The following EBF2 variants were observed in gnomAD, a reference collection of about 807,000 sequenced individuals.
EBF2 encodes the protein transcription factor COE2.
A neutral mutation model predicts 72.8 loss-of-function variants in EBF2; 21 were observed. That is an observed-to-expected ratio of 0.29 (90% CI 0.20 to 0.42). The LOEUF (loss-of-function observed/expected upper bound fraction) is 0.42, where lower values mean the gene tolerates loss of function less well. Among genes scored for constraint, EBF2 ranks in the 10% least tolerant of loss-of-function variants. The pLI is 1.00. For missense variants in EBF2, 637 were observed against 731.2 expected, an observed-to-expected ratio of 0.87 and a Z score of 1.49; for synonymous variants, 299 against 274.2, an observed-to-expected ratio of 1.09 and a Z score of -0.89.
At chr8:25,863,982 T>G (rs1802257635) in intron 10 of EBF2, among the ~76,000 whole-genome samples, 1 of 152,202 alleles carries the variant, frequency 6.6e-6, no homozygotes. Context: ...TTTAAATTCC[T>G]GCATATTTTT....
intron 6 of EBF2, among the ~76,000 whole-genome samples, chr8:25,941,000 C>T (rs781463441): frequency 6.6e-6 from 1 of 152,282 alleles, no homozygotes; most frequent in Non-Finnish European, 1.5e-5. Flanking sequence ...AAATATTTCA[C>T]TCTGGCAAGA....
chr8:26,005,530 A>T (rs1283202363), intron 6 of EBF2, among the ~76,000 whole-genome samples: 1 of 79,738 alleles, frequency 1.3e-5, no homozygotes, highest in Non-Finnish European at 2.4e-5. Context: ...TATATTATAT[A>T]TTATATATAT....
At chr8:26,019,280 C>A (rs972092559) in intron 6 of EBF2, among the ~76,000 whole-genome samples, 2 of 149,556 alleles carry the variant, frequency 1.3e-5, no homozygotes, top group Non-Finnish European at 3.0e-5. Context: ...CTGGTTCCCA[C>A]TGGGCCTGTA....
chr8:25,977,252 C>T (rs989897295), intron 6 of EBF2, among the ~76,000 whole-genome samples: 5 of 152,160 alleles, frequency 3.3e-5, no homozygotes, highest in Non-Finnish European at 7.3e-5. Flanking sequence ...AATACGTGCA[C>T]ATCGCATGCT....
At chr8:25,938,463 G>A (rs1020620470) in intron 6 of EBF2, among the ~76,000 whole-genome samples, 4 of 150,526 alleles carry the variant, frequency 2.7e-5, no homozygotes, top group Admixed American at 2.7e-4. Flanking sequence ...TTCATTTACA[G>A]CCAATATAGA....
intron 6 of EBF2, among the ~76,000 whole-genome samples, chr8:25,989,956 G>T (rs555250867): frequency 4.2e-4 from 64 of 152,210 alleles, no homozygotes; most frequent in African/African-American, 1.5e-3. Flanking sequence ...GCTGCATTAG[G>T]ATTGGCTTGG....
At chr8:26,038,095 C>T (rs950839714) in intron 5 of EBF2, among the ~76,000 whole-genome samples, 6 of 152,186 alleles carry the variant, frequency 3.9e-5, no homozygotes, top group Non-Finnish European at 8.8e-5. Context: ...GAGTATCAAC[C>T]AGCTCTAACT....
chr8:26,001,581 G>A (rs1804726413), intron 6 of EBF2, among the ~76,000 whole-genome samples: 2 of 151,422 alleles, frequency 1.3e-5, no homozygotes, highest in Admixed American at 1.3e-4. Flanking sequence ...ATGGAGTTCT[G>A]CTCTTGTCCC....
intron 13 of EBF2, among the ~76,000 whole-genome samples, 181 bp from the exon 14 acceptor site, chr8:25,858,685 A>G: frequency 8.7e-6 from 1 of 114,818 alleles, no homozygotes; most frequent in Non-Finnish European, 1.7e-5. Context: ...TTTGAGATAG[A>G]GTCTTACTCT....
chr8:25,981,875 A>G (rs534026423), intron 6 of EBF2, among the ~76,000 whole-genome samples: 4 of 152,170 alleles, frequency 2.6e-5, no homozygotes, highest in Non-Finnish European at 5.9e-5. Context: ...CTTTCCTTAA[A>G]TGGAAAGATC....
At chr8:25,999,638 CTT>C (rs201122059) in intron 6 of EBF2, among the ~76,000 whole-genome samples, 9 of 142,852 alleles carry the variant, frequency 6.3e-5, no homozygotes, top group African/African-American at 7.7e-5. Flanking sequence ...TGTCTTTCCT[CTT>C]TTTTTTTTTT....
At chr8:25,923,568 G>A (rs549622468) in intron 6 of EBF2, among the ~76,000 whole-genome samples, 1 of 152,214 alleles carries the variant, frequency 6.6e-6, no homozygotes, top group East Asian at 1.9e-4. Flanking sequence ...TGATAAGCCT[G>A]CTTCAAGTTT....
rs766656976 is a variant in EBF2 at position 25,850,818 on chromosome 8, C to T, written c.1529-57G>A. ...AATTAAGATCTTCCTTCAGTTCACACATTTGGCACACATTTATTGAGAAAT... is the reference window on the plus strand; with the variant it reads ...AATTAAGATCTTCCTTCAGTTCACATATTTGGCACACATTTATTGAGAAAT... On this transcript the variant is annotated intron_variant, in intron 14 of 15. Coordinates refer to ENST00000520164, the MANE Select transcript of EBF2 (RefSeq NM_022659.4). 25 of 1,508,050 alleles carry T rather than the reference C, an allele frequency of 1.7e-5. No homozygotes were observed. In the African/African-American group the frequency reaches 3.4e-4, roughly 20 times the overall value. 93.4% of individuals were successfully genotyped at this position (1,508,050 alleles called of 1,614,324 possible).
At chr8:26,014,331 C>T (rs1320109860) in intron 6 of EBF2, among the ~76,000 whole-genome samples, 2 of 152,118 alleles carry the variant, frequency 1.3e-5, no homozygotes, top group Non-Finnish European at 2.9e-5. Context: ...ATGGATCTCA[C>T]AAAGCTTCTG....
At position 25,957,445 on chromosome 8, in the gene EBF2, TC is replaced by T. The variant is rs556831097; in HGVS notation, c.552-48891del. ...TGCTAGTTCAGGGTTACAGACCTTT[TC>T]CCCTCCCCCGCAGGCCACCTCTTCA... On this transcript the variant is annotated intron_variant, in intron 6 of 15. Transcript: ENST00000520164. Among the ~76,000 whole-genome samples the T allele has an allele frequency of 4.3e-3, 651 of 152,264 alleles. 4 individuals carry two copies. The highest frequency in any genetic ancestry group is 0.015 in the African/African-American group (619 of 41,532).
intron 6 of EBF2, among the ~76,000 whole-genome samples, chr8:26,022,757 T>C (rs1184976573): frequency 6.6e-6 from 1 of 152,186 alleles, no homozygotes; most frequent in Non-Finnish European, 1.5e-5. Context: ...ATTTTGAGGT[T>C]ACAACAAAAC....
At chr8:25,947,746 G>C (rs553405643) in intron 6 of EBF2, among the ~76,000 whole-genome samples, 9 of 152,186 alleles carry the variant, frequency 5.9e-5, no homozygotes, top group Non-Finnish European at 1.3e-4. Flanking sequence ...CTGGGCTGCT[G>C]TTCCTTTCTT....
At chr8:25,974,691 C>T (rs1804240605) in intron 6 of EBF2, among the ~76,000 whole-genome samples, 1 of 152,122 alleles carries the variant, frequency 6.6e-6, no homozygotes, top group Non-Finnish European at 1.5e-5. Context: ...GACACTGGAA[C>T]TTGGACGGCA....
intron 6 of EBF2, among the ~76,000 whole-genome samples, chr8:25,955,758 A>G (rs1803934272): frequency 6.8e-6 from 1 of 146,070 alleles, no homozygotes; most frequent in South Asian, 2.2e-4. Context: ...AGTTGTGTCT[A>G]GGTTTGCCCC....
Sources: allele counts gnomAD v4.1 joint callset (sites outside exome capture counted in the v4.1 genomes callset), GRCh38; gene constraint gnomAD v4.1.1; transcripts MANE v1.5; gene names NCBI Gene and HGNC (gene_info 2026-07-23, HGNC 2026-07-21).